Variants in ODAD2 observed in about 807,000 individuals in gnomAD.
ODAD2 encodes the protein outer dynein arm docking complex subunit 2.
In ODAD2, 89 loss-of-function variants were observed where a neutral mutation model predicts 106.8. The observed-to-expected ratio is 0.83, with a 90% CI of 0.70 to 0.99. The LOEUF is 0.99. Ranked by LOEUF, ODAD2 falls within the 50% of genes least tolerant of loss-of-function variation. The pLI, the probability that ODAD2 is intolerant of heterozygous loss-of-function variation, is 0.00. For missense variants in ODAD2, 1,168 were observed against 1,238.5 expected, an observed-to-expected ratio of 0.94 and a Z score of 0.85; for synonymous variants, 404 against 436.2, an observed-to-expected ratio of 0.93 and a Z score of 0.92.
intron 6 of ODAD2, 46 bp from the exon 7 acceptor site, chr10:27,981,628 T>A: frequency 7.6e-7 from 1 of 1,310,562 alleles, no homozygotes; most frequent in Non-Finnish European, 1.0e-6. Flanking sequence ...ATAAGAACAA[T>A]TGTAAGAAGC....
At chr10:27,837,909 T>C (rs995191816) in intron 19 of ODAD2, among the ~76,000 whole-genome samples, 1 of 152,116 alleles carries the variant, frequency 6.6e-6, no homozygotes, top group African/African-American at 2.4e-5. Context: ...TAATGTAACT[T>C]TTTTTTAGCT....
At chr10:27,833,171 A>G (rs1589777324) in intron 19 of ODAD2, among the ~76,000 whole-genome samples, 1 of 152,342 alleles carries the variant, frequency 6.6e-6, no homozygotes, top group African/African-American at 2.4e-5. Context: ...TGACTCTGGG[A>G]TGCATTCTCA....
chr10:27,928,717 C>A (rs1291874787), intron 16 of ODAD2, among the ~76,000 whole-genome samples: 1 of 151,668 alleles, frequency 6.6e-6, no homozygotes, highest in African/African-American at 2.4e-5. Flanking sequence ...AATATACATA[C>A]TATGCAATCT....
chr10:27,835,502 G>T (rs982891185), intron 19 of ODAD2, among the ~76,000 whole-genome samples: 2 of 152,150 alleles, frequency 1.3e-5, no homozygotes, highest in Admixed American at 1.3e-4. Flanking sequence ...TCTGAAAAAT[G>T]TGAGTTAGGG....
At chr10:27,949,940 G>A (rs1383268598) in intron 10 of ODAD2, among the ~76,000 whole-genome samples, 2 of 152,036 alleles carry the variant, frequency 1.3e-5, no homozygotes, top group South Asian at 2.1e-4. Context: ...TGGGCAACAC[G>A]CTTGCAGGGT....
At chr10:27,951,004 TC>T (rs1363722798) in intron 10 of ODAD2, among the ~76,000 whole-genome samples, 1 of 152,170 alleles carries the variant, frequency 6.6e-6, no homozygotes, top group African/African-American at 2.4e-5. Context: ...TGAAAAAAGT[TC>T]CCATGTCGGG....
At chr10:27,818,597 A>G (rs1316838369) in intron 19 of ODAD2, among the ~76,000 whole-genome samples, 1 of 152,156 alleles carries the variant, frequency 6.6e-6, no homozygotes, top group Non-Finnish European at 1.5e-5. Flanking sequence ...TGATTTCCAT[A>G]CGCAAATGAG....
intron 19 of ODAD2, among the ~76,000 whole-genome samples, chr10:27,819,987 A>G (rs935405207): frequency 2.0e-5 from 3 of 152,208 alleles, no homozygotes; most frequent in Admixed American, 2.0e-4. Context: ...CCAGTGCCCA[A>G]TACAAAGCAA....
chr10:27,951,749 G>A (rs1002528857), intron 10 of ODAD2, among the ~76,000 whole-genome samples: 1 of 151,930 alleles, frequency 6.6e-6, no homozygotes, highest in Admixed American at 6.6e-5. Context: ...TGAAGAAATA[G>A]AAGATATTTA....
At chr10:27,958,221 A>G (rs1324468406) in intron 10 of ODAD2, among the ~76,000 whole-genome samples, 2 of 152,202 alleles carry the variant, frequency 1.3e-5, no homozygotes, top group Non-Finnish European at 2.9e-5. Context: ...AACTTGTGCA[A>G]ATTTAAGTAG....
chr10:27,831,082 G>A (rs893590339), intron 19 of ODAD2, among the ~76,000 whole-genome samples: 19 of 152,142 alleles, frequency 1.2e-4, no homozygotes, highest in African/African-American at 4.6e-4. Context: ...AGAGGCATGA[G>A]GAGGGATCTG....
intron 16 of ODAD2, among the ~76,000 whole-genome samples, chr10:27,931,558 G>A (rs1845622508): frequency 6.7e-6 from 1 of 149,668 alleles, no homozygotes; most frequent in Non-Finnish European, 1.5e-5. Flanking sequence ...CCATTTTATT[G>A]TTTCAAAACT....
At chr10:27,878,477 A>G (rs993007417) in intron 17 of ODAD2, among the ~76,000 whole-genome samples, 1 of 152,158 alleles carries the variant, frequency 6.6e-6, no homozygotes, top group Admixed American at 6.6e-5. Flanking sequence ...ATGAGGTGAG[A>G]TATACATAAT....
chr10:27,945,024 A>C (rs1331425528), intron 10 of ODAD2, 62 bp from the exon 11 acceptor site: 3 of 1,577,272 alleles, frequency 1.9e-6, no homozygotes, highest in African/African-American at 2.7e-5. Flanking sequence ...AAATGCACTA[A>C]GTAGTTACGA....
intron 19 of ODAD2, among the ~76,000 whole-genome samples, chr10:27,832,682 G>C (rs1191056733): frequency 6.6e-6 from 1 of 152,134 alleles, no homozygotes; most frequent in Non-Finnish European, 1.5e-5. Context: ...CACGTGACCA[G>C]GAATGCTACT....
Position 27,995,152 on chromosome 10 carries a change from C to A in ODAD2, c.-10G>T, listed in dbSNP as rs113832406. 6.2e-7 allele frequency: 1 copy of A among 1,614,078 alleles called. No homozygotes were observed. The highest frequency in any genetic ancestry group is 1.1e-5 in the South Asian group (1 of 91,064). ...TCAGAGCCACACCCATGGGATCCAC[C>A]GTGCTCAGACCTGAGCTTAGCACAC... On this transcript the variant is annotated 5_prime_UTR_variant, in exon 2 of 20. Coordinates refer to ENST00000305242, the MANE Select transcript of ODAD2 (RefSeq NM_018076.5).
At chr10:27,914,410 T>G (rs907853217) in intron 16 of ODAD2, among the ~76,000 whole-genome samples, 6 of 152,188 alleles carry the variant, frequency 3.9e-5, no homozygotes, top group African/African-American at 1.2e-4. Flanking sequence ...TTTTAAGTTT[T>G]AGCATTCATT....
At position 27,921,300 on chromosome 10, in the gene ODAD2, AAAAAAAAAAAG is replaced by A. The variant is rs780003125; in HGVS notation, c.2496-13534_2496-13524del. Among the ~76,000 whole-genome samples, 301 of 145,448 alleles carry A rather than the reference AAAAAAAAAAAG, an allele frequency of 2.1e-3. 1 individual carries two copies. Among genetic ancestry groups the A allele is most frequent in the Non-Finnish European group, 2.9e-3 (189 of 65,756 alleles). ...ACAGAGTGAGACCCCACCTCCAACG[AAAAAAAAAAAG>A]AAAAAAAAAAGAACATGAAATTTAA... On this transcript the variant is annotated intron_variant, in intron 16 of 19. Coordinates refer to ENST00000305242, the MANE Select transcript of ODAD2 (RefSeq NM_018076.5).
At chr10:27,903,191 A>G (rs1439718335) in intron 17 of ODAD2, among the ~76,000 whole-genome samples, 2 of 152,230 alleles carry the variant, frequency 1.3e-5, no homozygotes, top group Non-Finnish European at 2.9e-5. Context: ...AGAACCAGTG[A>G]CAAAAACCAC....
Sources: gnomAD v4.1 joint callset for allele counts (sites outside exome capture counted in the v4.1 genomes callset) on GRCh38, gnomAD v4.1.1 for gene constraint, MANE v1.5 for transcripts, NCBI Gene and HGNC (gene_info 2026-07-23, HGNC 2026-07-21) for gene names.